The following OTUD7B variants were observed in gnomAD, a reference collection of about 807,000 sequenced individuals.
OTUD7B encodes the protein OTU deubiquitinase 7B.
OTUD7B carries 34 observed loss-of-function variants against 82.2 expected under a neutral mutation model. That is an observed-to-expected ratio of 0.41 (90% CI 0.31 to 0.55). OTUD7B has a LOEUF of 0.55. OTUD7B is among the 20% of genes least tolerant of loss of function. OTUD7B has a pLI of 0.20. For missense variants in OTUD7B, 944 were observed against 1,062.1 expected (o/e 0.89, Z 1.55); for synonymous variants, 398 against 402.7 (o/e 0.99, Z 0.14).
At chr1:150,015,310 T>A (rs1653234535), upstream of OTUD7B, among the ~76,000 whole-genome samples, 1 of 149,526 alleles carries the variant, frequency 6.7e-6, no homozygotes, top group Non-Finnish European at 1.5e-5. Flanking sequence ...TTGTTTTTTT[T>A]TGAGATGGAG....
chr1:149,997,639 T>C (rs1165397606), intron 1 of OTUD7B, among the ~76,000 whole-genome samples: 9 of 152,142 alleles, frequency 5.9e-5, no homozygotes, highest in Non-Finnish European at 8.8e-5. Flanking sequence ...TATGACGAAT[T>C]GAATCTCAGA....
chr1:150,046,998 G>T, the OTUD7B span, among the ~76,000 whole-genome samples: 1 of 152,038 alleles, frequency 6.6e-6, no homozygotes, highest in Non-Finnish European at 1.5e-5. Flanking sequence ...TTGAACCCGG[G>T]AGGCGGAGAT....
At chr1:149,954,276 A>C (rs1571610916) in intron 7 of OTUD7B, among the ~76,000 whole-genome samples, 1 of 152,152 alleles carries the variant, frequency 6.6e-6, no homozygotes, top group Non-Finnish European at 1.5e-5. Context: ...AATTTTGTCA[A>C]AGGCCTTTTC....
chr1:150,013,421 G>C (rs1251711020), upstream of OTUD7B, among the ~76,000 whole-genome samples: 1 of 151,930 alleles, frequency 6.6e-6, no homozygotes, highest in Non-Finnish European at 1.5e-5. Context: ...AGCTAGGCAG[G>C]GAAAAAAACT....
the OTUD7B span, chr1:150,055,025 T>C: frequency 4.7e-6 from 1 of 212,532 alleles, no homozygotes; most frequent in Admixed American, 5.6e-5. Flanking sequence ...CCTTACAAAT[T>C]GGTGTTCTAA....
rs1366020859 is a variant in OTUD7B at position 149,960,413 on chromosome 1, T to TTG, written c.733-618_733-617insCA. Among the ~76,000 whole-genome samples, 148 of 72,558 alleles carry TTG rather than the reference T, an allele frequency of 2.0e-3. 48 individuals are homozygous for TTG. The highest frequency in any genetic ancestry group is 0.043 in the Middle Eastern group (2 of 46). 47.6% of individuals were successfully genotyped at this position (72,558 alleles called of 152,430 possible). A position where few individuals can be genotyped will look rare whatever the true frequency, so the allele number is the denominator to read the frequency against. The stretch of plus-strand genomic sequence containing the variant: ...CCTTTTTTTCTTTTTTTTTTTTTTG[T>TTG]AGACAGAGTCACCCAGGCTGGAGTG... On this transcript the variant is annotated intron_variant, in intron 6 of 11. Coordinates refer to ENST00000581312, the MANE Select transcript of OTUD7B (RefSeq NM_020205.4).
intron 2 of OTUD7B, among the ~76,000 whole-genome samples, chr1:149,972,285 CTGA>C (rs1451613062): frequency 6.6e-6 from 1 of 152,198 alleles, no homozygotes; most frequent in East Asian, 1.9e-4. Flanking sequence ...TAAATCATTA[CTGA>C]TGATTTTACT....
chr1:149,996,254 C>G (rs1559862987), intron 1 of OTUD7B, among the ~76,000 whole-genome samples: 1 of 152,130 alleles, frequency 6.6e-6, no homozygotes, highest in African/African-American at 2.4e-5. Flanking sequence ...TACCCAGGTA[C>G]AAGTGAGTGG....
At chr1:149,996,511 T>C (rs1553783465) in intron 1 of OTUD7B, among the ~76,000 whole-genome samples, 1 of 152,234 alleles carries the variant, frequency 6.6e-6, no homozygotes, top group Non-Finnish European at 1.5e-5. Flanking sequence ...TAGAGCTATA[T>C]CTAAATCCTA....
intron 1 of OTUD7B, among the ~76,000 whole-genome samples, chr1:149,986,863 A>C (rs1651181025): frequency 6.6e-6 from 1 of 152,174 alleles, no homozygotes; most frequent in African/African-American, 2.4e-5. Context: ...CTTCAAGTCA[A>C]AGAAACAAAA....
chr1:149,977,130 T>TAAATA (rs1166656613), intron 2 of OTUD7B, among the ~76,000 whole-genome samples: 13 of 151,734 alleles, frequency 8.6e-5, no homozygotes, highest in Admixed American at 7.2e-4. Flanking sequence ...CAAAAATAAA[T>TAAATA]AAATAAAATA....
At chr1:149,992,253 A>G (rs1651619591) in intron 1 of OTUD7B, among the ~76,000 whole-genome samples, 1 of 152,086 alleles carries the variant, frequency 6.6e-6, no homozygotes, top group African/African-American at 2.4e-5. Flanking sequence ...GTCATGCCAA[A>G]ACCAAATAAT....
chr1:150,042,305 T>C, the OTUD7B span, among the ~76,000 whole-genome samples: 1 of 151,732 alleles, frequency 6.6e-6, no homozygotes, highest in Non-Finnish European at 1.5e-5. Flanking sequence ...CCCAAGTAGC[T>C]GAGATTACAG....
At chr1:149,958,453 G>A (rs890858435) in intron 7 of OTUD7B, among the ~76,000 whole-genome samples, 7 of 145,354 alleles carry the variant, frequency 4.8e-5, no homozygotes, top group South Asian at 4.4e-4. Context: ...TCAGCCTCTC[G>A]AGTAGCTGGG....
Position 149,944,741 on chromosome 1 carries a change from T to C in OTUD7B, c.1648A>G (p.Lys550Glu). Residue 550 changes from lysine to glutamate, a missense_variant, in exon 12 of 12, where the codon AAG (lysine) becomes GAG (glutamate). Physicochemically the swap from Lys to Glu is moderately conservative, Grantham distance 56. Coordinates refer to ENST00000581312, the MANE Select transcript of OTUD7B (RefSeq NM_020205.4). Reference protein sequence around the residue: ...GGSSGTETLEKKKKNSLKSWK... With the variant: ...GGSSGTETLEEKKKNSLKSWK... The stretch of plus-strand genomic sequence containing the variant: ...CTCTTCAGTGAGTTTTTCTTCTTCT[T>C]CTCCAGTGTCTCAGTGCCGCTGCTT... 1 of 1,612,066 alleles carries C rather than the reference T, an allele frequency of 6.2e-7. No homozygotes were observed. The highest frequency in any genetic ancestry group is 1.1e-5 in the South Asian group (1 of 91,024).
At chr1:150,015,000 T>C (rs1174695497), upstream of OTUD7B, among the ~76,000 whole-genome samples, 1 of 152,200 alleles carries the variant, frequency 6.6e-6, no homozygotes. Flanking sequence ...TTGATTGATA[T>C]TTACTTCACC....
intron 2 of OTUD7B, among the ~76,000 whole-genome samples, chr1:149,976,544 G>T (rs1370275350): frequency 3.4e-5 from 5 of 146,430 alleles, no homozygotes; most frequent in African/African-American, 1.3e-4. Flanking sequence ...CCGGGAGGAG[G>T]AGGTTGCAGT....
At chr1:150,036,474 G>T in the OTUD7B span, among the ~76,000 whole-genome samples, 1 of 151,882 alleles carries the variant, frequency 6.6e-6, no homozygotes, top group East Asian at 1.9e-4. Flanking sequence ...TGGCCAGGCT[G>T]GTCTGAAACT....
Position 150,010,667 on chromosome 1 carries a change from CT to C in OTUD7B, c.-287del. ...GATCGGGACTGGCCTCCCCCAGTGG[CT>C]TTTTGCCCACTCCGCACCCGGTCGC... On this transcript the variant is annotated 5_prime_UTR_variant, in exon 1 of 12. Transcript: ENST00000581312. The C allele has an allele frequency of 6.5e-6, 1 of 152,820 alleles. No individual in the cohort carries two copies. Among genetic ancestry groups the C allele is most frequent in the Non-Finnish European group, 1.5e-5 (1 of 68,144 alleles). The allele number at this position is 152,820 out of a possible 1,614,324, so 9.5% of individuals were successfully genotyped here. A position where few individuals can be genotyped will look rare whatever the true frequency, so the allele number is the denominator to read the frequency against.
Sources: allele counts gnomAD v4.1 joint callset (sites outside exome capture counted in the v4.1 genomes callset), GRCh38; gene constraint gnomAD v4.1.1; transcripts MANE v1.5; gene names NCBI Gene and HGNC (gene_info 2026-07-23, HGNC 2026-07-21).